Variants in SATB2 observed in about 807,000 individuals in gnomAD.
SATB2 encodes SATB homeobox 2, also known as DNA-binding protein SATB2.
A neutral mutation model predicts 73.4 loss-of-function variants in SATB2; 1 was observed. The ratio of observed to expected loss-of-function variants is 0.01; its 90% CI spans 0.00 to 0.06. The LOEUF (loss-of-function observed/expected upper bound fraction) is 0.06. Among genes scored for constraint, SATB2 ranks in the 10% least tolerant of loss-of-function variants. The probability of loss-of-function intolerance (pLI) is 1.00; values close to 1 mark genes in which losing one functional copy is unlikely to be tolerated. For missense variants in SATB2, 459 were observed against 945.8 expected, an observed-to-expected ratio of 0.49 and a Z score of 6.75; for synonymous variants, 397 against 367.0, an observed-to-expected ratio of 1.08 and a Z score of -0.93.
At chr2:199,462,793 TG>T (rs900810408), upstream of SATB2, among the ~76,000 whole-genome samples, 7 of 150,546 alleles carry the variant, frequency 4.6e-5, no homozygotes, top group African/African-American at 1.7e-4. The surrounding 1 kb of genome is among the most constrained non-coding windows in gnomAD (Gnocchi z 5.9). Flanking sequence ...GGACGACTGA[TG>T]GGGAAGGATG....
chr2:199,278,937 G>A (rs1692398765), intron 10 of SATB2, among the ~76,000 whole-genome samples: 1 of 152,168 alleles, frequency 6.6e-6, no homozygotes. Context: ...CATTTATGGA[G>A]TATCTACAAT....
chr2:199,436,201 A>C (rs1542241), intron 2 of SATB2, among the ~76,000 whole-genome samples: 92,751 of 152,052 alleles, frequency 0.61, 30,746 homozygotes, highest in Non-Finnish European at 0.74. Context: ...ACTTAAGACC[A>C]TATTAATTTT....
intron 6 of SATB2, 35 bp from the exon 7 acceptor site, chr2:199,349,208 T>C: frequency 6.8e-7 from 1 of 1,463,442 alleles, no homozygotes; most frequent in Non-Finnish European, 9.5e-7. Context: ...TAATCATTAT[T>C]TTCATTGGTA....
chr2:199,276,561 T>C (rs1376530827), intron 10 of SATB2, among the ~76,000 whole-genome samples: 1 of 152,178 alleles, frequency 6.6e-6, no homozygotes, highest in Admixed American at 6.5e-5. Context: ...TGTTAATTAA[T>C]ATTTTAAGTC....
rs1574456510 is a variant in SATB2, at chr2:199,269,981, G to A, written c.*2230C>T. ...AAAGATACCAAATGCGGATGCCATC[G>A]ATAGATGAACCACCTTGTAAGAGCT... On this transcript the variant is annotated 3_prime_UTR_variant, in exon 11 of 11. Transcript: ENST00000417098. 1 of 152,690 alleles carries A rather than the reference G, an allele frequency of 6.5e-6. No individual in the cohort carries two copies. Among genetic ancestry groups the A allele is most frequent in the East Asian group, 1.9e-4 (1 of 5,330 alleles). 9.5% of individuals were successfully genotyped at this position (152,690 alleles called of 1,614,324 possible). A position where few individuals can be genotyped will look rare whatever the true frequency, so the allele number is the denominator to read the frequency against.
chr2:199,337,403 G>A (rs1248627398), intron 7 of SATB2, among the ~76,000 whole-genome samples: 1 of 152,026 alleles, frequency 6.6e-6, no homozygotes, highest in Non-Finnish European at 1.5e-5. Context: ...AATTATTAGT[G>A]GATCATAATT....
upstream of SATB2, chr2:199,467,963 T>G (rs1374697055): frequency 6.6e-6 from 1 of 152,142 alleles, no homozygotes; most frequent in African/African-American, 2.4e-5. Context: ...CCATAATTGA[T>G]CCACTCAGTT....
intron 2 of SATB2, among the ~76,000 whole-genome samples, chr2:199,435,452 G>A (rs1303477508): frequency 2.0e-5 from 3 of 151,626 alleles, no homozygotes; most frequent in African/African-American, 4.9e-5. Context: ...GGGTTCAAGC[G>A]ATTCTCCTGC....
chr2:199,425,010 A>C (rs1297568321), intron 3 of SATB2, among the ~76,000 whole-genome samples: 1 of 152,212 alleles, frequency 6.6e-6, no homozygotes, highest in Admixed American at 6.5e-5. Flanking sequence ...AAACAAACCT[A>C]GCTATTCAGC....
intron 3 of SATB2, among the ~76,000 whole-genome samples, chr2:199,402,451 G>A (rs564319140): frequency 6.6e-6 from 1 of 152,024 alleles, no homozygotes; most frequent in Non-Finnish European, 1.5e-5. Context: ...TCAGCTACCC[G>A]AAAGGCTGAG....
intron 6 of SATB2, among the ~76,000 whole-genome samples, chr2:199,364,946 C>A (rs1304433290): frequency 8.6e-5 from 13 of 152,016 alleles, no homozygotes; most frequent in Non-Finnish European, 1.9e-4. Context: ...ATATGATTGC[C>A]ACTTCATTTC....
chr2:199,295,202 A>G (rs1574480396), intron 10 of SATB2, among the ~76,000 whole-genome samples: 1 of 152,368 alleles, frequency 6.6e-6, no homozygotes, highest in South Asian at 2.1e-4. Flanking sequence ...TGCTATTTAA[A>G]TAAACATTTT....
chr2:199,451,082 T>C lies in SATB2; in HGVS notation c.169+4787A>G, dbSNP rs1692109185. Among the ~76,000 whole-genome samples the C allele has an allele frequency of 2.0e-5, 3 of 146,706 alleles. No individual in the cohort carries two copies. In the South Asian group the frequency reaches 6.6e-4, roughly 33 times the overall value. ...AAACAGATGCCTTAAGGGACATCTA[T>C]GTAGTTCCAACACACACACACACAC... On this transcript the variant is annotated intron_variant, in intron 2 of 10. Coordinates refer to ENST00000417098, the MANE Select transcript of SATB2 (RefSeq NM_001172509.2).
intron 2 of SATB2, among the ~76,000 whole-genome samples, chr2:199,435,222 T>C (rs1025205972): frequency 2.0e-5 from 3 of 152,302 alleles, no homozygotes; most frequent in East Asian, 3.9e-4. Context: ...TTAGGACAGC[T>C]ACACAATGCC....
intron 6 of SATB2, among the ~76,000 whole-genome samples, chr2:199,351,926 A>G (rs1319965711): frequency 6.6e-6 from 1 of 152,194 alleles, no homozygotes; most frequent in East Asian, 1.9e-4. Flanking sequence ...GATGGAGTGA[A>G]GTGGTGTGAT....
chr2:199,388,078 T>G (rs948658052), intron 3 of SATB2, among the ~76,000 whole-genome samples: 1 of 152,302 alleles, frequency 6.6e-6, no homozygotes, highest in African/African-American at 2.4e-5. Context: ...TAATACACAT[T>G]ATAGTCGATC....
intron 7 of SATB2, among the ~76,000 whole-genome samples, chr2:199,340,821 T>C (rs948638582): frequency 6.6e-6 from 1 of 152,186 alleles, no homozygotes; most frequent in African/African-American, 2.4e-5. Flanking sequence ...CCACTGGATT[T>C]AGCCTAGTTT....
At chr2:199,276,796 A>T (rs904304680) in intron 10 of SATB2, among the ~76,000 whole-genome samples, 8 of 152,086 alleles carry the variant, frequency 5.3e-5, no homozygotes, top group Non-Finnish European at 1.2e-4. Flanking sequence ...GCAAAAAAAA[A>T]TCCCCATTGA....
rs1041368138 is a variant in SATB2 at position 199,421,318 on chromosome 2, C to A, written c.346+12020G>T. Among the ~76,000 whole-genome samples the A allele has an allele frequency of 4.6e-5, 7 of 152,256 alleles. 1 individual carries two copies. In the South Asian group the frequency reaches 1.5e-3, roughly 32 times the overall value. ...TTCCATGCCCAGCAGGACCTGAGGT[C>A]CCATAGAAACAAACAAACAAAAAGG... On this transcript the variant is annotated intron_variant, in intron 3 of 10. Transcript: ENST00000417098.
Sources: allele counts gnomAD v4.1 joint callset (sites outside exome capture counted in the v4.1 genomes callset), GRCh38; gene constraint gnomAD v4.1.1; non-coding constraint Gnocchi (gnomAD v3.1); transcripts MANE v1.5; gene names NCBI Gene and HGNC (gene_info 2026-07-23, HGNC 2026-07-21).